Variants in ADGRL2 observed in about 807,000 individuals in gnomAD.
The protein encoded by ADGRL2 is adhesion G protein-coupled receptor L2.
A neutral mutation model predicts 157.4 loss-of-function variants in ADGRL2; 44 were observed. That is an observed-to-expected ratio of 0.28 (90% CI 0.22 to 0.36). ADGRL2 has a LOEUF of 0.36. ADGRL2 is among the 10% of genes least tolerant of loss of function. The probability of loss-of-function intolerance (pLI) is 1.00; values close to 1 mark genes in which losing one functional copy is unlikely to be tolerated. For missense variants in ADGRL2, 1,510 were observed against 1,768.9 expected (o/e 0.85, Z 2.63); for synonymous variants, 585 against 624.7 (o/e 0.94, Z 0.95).
At chr1:81,409,702 A>T (rs906066519) in intron 1 of ADGRL2, among the ~76,000 whole-genome samples, 1 of 152,242 alleles carries the variant, frequency 6.6e-6, no homozygotes, top group African/African-American at 2.4e-5. Flanking sequence ...CCATTAGTCA[A>T]ATCACAAATG....
chr1:81,891,574 A>G (rs2094265365), intron 2 of ADGRL2, among the ~76,000 whole-genome samples: 1 of 152,148 alleles, frequency 6.6e-6, no homozygotes, highest in Non-Finnish European at 1.5e-5. Context: ...TAAATTGAGC[A>G]TTACATGTTT....
chr1:81,437,671 T>G (rs1019892448), intron 1 of ADGRL2, among the ~76,000 whole-genome samples: 5 of 152,098 alleles, frequency 3.3e-5, no homozygotes, highest in African/African-American at 1.2e-4. Context: ...GCCAGAAAAA[T>G]ATTATGATTG....
At chr1:81,852,274 G>C (rs1263609125) in intron 2 of ADGRL2, among the ~76,000 whole-genome samples, 1 of 152,082 alleles carries the variant, frequency 6.6e-6, no homozygotes, top group Non-Finnish European at 1.5e-5. Context: ...ACCAGTGAAA[G>C]TAGCTGAAAA....
chr1:81,425,410 TA>T lies in ADGRL2; in HGVS notation c.-301-19616del, dbSNP rs5775615. ...AGCAAGAGCAGATATTAGAACCAATTAAAAAAAAAATCTGTGTTAAACGTGC... is the reference window on the plus strand; with the variant it reads ...AGCAAGAGCAGATATTAGAACCAATTAAAAAAAAATCTGTGTTAAACGTGC... On this transcript the variant is annotated intron_variant, in intron 1 of 24. Coordinates refer to the ADGRL2 transcript ENST00000370721. Among the ~76,000 whole-genome samples the T allele has an allele frequency of 2.4e-3, 367 of 150,946 alleles. 1 individual carries two copies. Among genetic ancestry groups the T allele is most frequent in the African/African-American group, 7.9e-3 (327 of 41,146 alleles).
chr1:81,653,923 C>CTTCT (rs541116136), intron 3 of ADGRL2, among the ~76,000 whole-genome samples: 98 of 151,976 alleles, frequency 6.4e-4, no homozygotes, highest in Middle Eastern at 6.8e-3. Context: ...CAGAGTTCAG[C>CTTCT]TTCTTTCTTT....
intron 1 of ADGRL2, among the ~76,000 whole-genome samples, chr1:81,361,257 C>T (rs1471856664): frequency 6.6e-6 from 1 of 151,882 alleles, no homozygotes; most frequent in Non-Finnish European, 1.5e-5. Flanking sequence ...ATTTTGGAGA[C>T]TGCTGAGTGC....
At chr1:81,955,831 G>A in intron 10 of ADGRL2, 46 bp from the exon 11 acceptor site, 1 of 1,300,698 alleles carries the variant, frequency 7.7e-7, no homozygotes, top group South Asian at 1.5e-5. Context: ...AATCACTTTG[G>A]TTCTAAAAGC....
At chr1:81,634,857 A>T (rs533634285) in intron 3 of ADGRL2, among the ~76,000 whole-genome samples, 1 of 152,218 alleles carries the variant, frequency 6.6e-6, no homozygotes, top group African/African-American at 2.4e-5. Context: ...TAGAAGATAC[A>T]CACTGTTGAT....
chr1:81,752,867 A>C (rs1219775698), intron 1 of ADGRL2, among the ~76,000 whole-genome samples: 1 of 152,258 alleles, frequency 6.6e-6, no homozygotes, highest in Admixed American at 6.5e-5. Context: ...CAAACCAAAA[A>C]TGATACTTCC....
At chr1:81,466,540 A>C (rs1448642756) in intron 2 of ADGRL2, among the ~76,000 whole-genome samples, 2 of 152,148 alleles carry the variant, frequency 1.3e-5, no homozygotes, top group Non-Finnish European at 2.9e-5. Flanking sequence ...ACCACTTCTC[A>C]GTCTCACATT....
chr1:81,597,164 A>C (rs2081250854), intron 3 of ADGRL2, among the ~76,000 whole-genome samples: 1 of 152,154 alleles, frequency 6.6e-6, no homozygotes, highest in African/African-American at 2.4e-5. Context: ...TGCCTTTGAC[A>C]TCTGTCATTT....
At chr1:81,453,893 G>A (rs1571008949) in intron 2 of ADGRL2, among the ~76,000 whole-genome samples, 1 of 152,080 alleles carries the variant, frequency 6.6e-6, no homozygotes, top group African/African-American at 2.4e-5. Flanking sequence ...GCAAAGACAT[G>A]CACCAGCTCA....
At chr1:81,614,994 C>G (rs952350556) in intron 3 of ADGRL2, among the ~76,000 whole-genome samples, 6 of 152,084 alleles carry the variant, frequency 3.9e-5, no homozygotes, top group African/African-American at 1.4e-4. Flanking sequence ...GCCTGAGCGA[C>G]AGAGTGAGAC....
chr1:81,396,738 C>G (rs2076661932), intron 1 of ADGRL2, among the ~76,000 whole-genome samples: 1 of 152,060 alleles, frequency 6.6e-6, no homozygotes, highest in Non-Finnish European at 1.5e-5. Context: ...TTTTCTTCAT[C>G]TATTAAGATT....
intron 1 of ADGRL2, among the ~76,000 whole-genome samples, chr1:81,371,041 C>A (rs1362528864): frequency 4.6e-5 from 7 of 152,030 alleles, no homozygotes; most frequent in Non-Finnish European, 1.0e-4. Flanking sequence ...GCCATGTGTA[C>A]CCAAGTGAGG....
chr1:81,487,968 A>T (rs929013480), intron 2 of ADGRL2, among the ~76,000 whole-genome samples: 1 of 152,174 alleles, frequency 6.6e-6, no homozygotes, highest in Admixed American at 6.5e-5. Flanking sequence ...CCGTCCTCCA[A>T]ATATCACAGG....
At chr1:81,523,325 A>G (rs748692093) in intron 2 of ADGRL2, among the ~76,000 whole-genome samples, 1 of 152,152 alleles carries the variant, frequency 6.6e-6, no homozygotes, top group Admixed American at 6.5e-5. Context: ...AGGAAGTCTT[A>G]AAAAGAAAAA....
intron 2 of ADGRL2, among the ~76,000 whole-genome samples, chr1:81,778,215 G>C (rs1263247363): frequency 2.5e-5 from 1 of 40,776 alleles, no homozygotes. Flanking sequence ...CCAGCTCCTC[G>C]GGGAGGCTGA....
intron 1 of ADGRL2, among the ~76,000 whole-genome samples, chr1:81,337,083 C>G (rs143112545): frequency 6.6e-6 from 1 of 152,286 alleles, no homozygotes; most frequent in East Asian, 1.9e-4. Flanking sequence ...TGGGGATAGT[C>G]GATTTCCAGG....
Sources: allele counts gnomAD v4.1 joint callset (sites outside exome capture counted in the v4.1 genomes callset), GRCh38; gene constraint gnomAD v4.1.1; transcripts MANE v1.5; gene names NCBI Gene and HGNC (gene_info 2026-07-23, HGNC 2026-07-21).